The following RGS3 variants were observed in gnomAD, a reference collection of about 807,000 sequenced individuals.
RGS3 encodes the protein regulator of G-protein signalling 3.
RGS3 carries 80 observed loss-of-function variants against 132.6 expected under a neutral mutation model. The observed-to-expected ratio is 0.60, with a 90% CI of 0.50 to 0.73. The LOEUF (loss-of-function observed/expected upper bound fraction) is 0.73, where lower values mean the gene tolerates loss of function less well. Among genes scored for constraint, RGS3 ranks in the 30% least tolerant of loss-of-function variants. RGS3 has a pLI of 0.00. For missense variants in RGS3, 1,382 were observed against 1,530.8 expected (o/e 0.90, Z 1.62); for synonymous variants, 598 against 620.6 (o/e 0.96, Z 0.54).
chr9:113,474,152 G>A (rs7864467), intron 3 of RGS3, among the ~76,000 whole-genome samples: 27,795 of 152,116 alleles, frequency 0.18, 2,651 homozygotes, highest in African/African-American at 0.21. Flanking sequence ...TATGCTGGCC[G>A]GAGCAATCTC....
chr9:113,586,371 A>G (rs72763846), intron 20 of RGS3, among the ~76,000 whole-genome samples: 18,283 of 152,210 alleles, frequency 0.12, 1,326 homozygotes, highest in African/African-American at 0.2. Flanking sequence ...ACACATTCAT[A>G]TGTATGCATT....
At chr9:113,557,693 A>G (rs1173445672) in intron 19 of RGS3, among the ~76,000 whole-genome samples, 2 of 152,186 alleles carry the variant, frequency 1.3e-5, no homozygotes, top group East Asian at 3.8e-4. Flanking sequence ...AAGGACACCA[A>G]TCATGAACAG....
chr9:113,552,477 C>T (rs1433380677), intron 19 of RGS3, among the ~76,000 whole-genome samples: 4 of 152,068 alleles, frequency 2.6e-5, no homozygotes, highest in Admixed American at 6.6e-5. Context: ...CCACCACGCC[C>T]GGCTAATTTT....
intron 1 of RGS3, among the ~76,000 whole-genome samples, chr9:113,450,230 G>C (rs1829209729): frequency 6.6e-6 from 1 of 152,142 alleles, no homozygotes; most frequent in South Asian, 2.1e-4. Flanking sequence ...CACCATGCCA[G>C]CTAAATTTTT....
intron 1 of RGS3, among the ~76,000 whole-genome samples, chr9:113,451,040 T>C (rs1829230196): frequency 6.6e-6 from 1 of 151,782 alleles, no homozygotes; most frequent in Non-Finnish European, 1.5e-5. Context: ...TAGCCTGGCG[T>C]GGTGGCGTGT....
chr9:113,553,441 T>TAAA lies in RGS3; in HGVS notation c.2037+16540_2037+16542dup, dbSNP rs66536651. ...CTGGGCAACAGAGGGAAACTCTGTT[T>TAAA]AAAAAAAAAAAAAAAAAAATATATA... On this transcript the variant is annotated intron_variant, in intron 19 of 24. Coordinates refer to ENST00000350696, the Ensembl canonical transcript of RGS3. 4.0e-3 allele frequency among the ~76,000 whole-genome samples: 81 copies of TAAA among 20,408 alleles called. 2 individuals are homozygous for TAAA. The East Asian group carries it at 0.097, about 24-fold the overall frequency. 13.4% of individuals were successfully genotyped at this position (20,408 alleles called of 152,430 possible). A position where few individuals can be genotyped will look rare whatever the true frequency, so the allele number is the denominator to read the frequency against.
At chr9:113,520,340 A>G (rs1004193316) in intron 16 of RGS3, among the ~76,000 whole-genome samples, 6 of 152,216 alleles carry the variant, frequency 3.9e-5, no homozygotes, top group Non-Finnish European at 5.9e-5. Context: ...GCTGTGTGCC[A>G]GCTCTGGCCT....
At chr9:113,509,458 C>T (rs1831304978) in intron 14 of RGS3, among the ~76,000 whole-genome samples, 1 of 152,138 alleles carries the variant, frequency 6.6e-6, no homozygotes, top group Non-Finnish European at 1.5e-5. Flanking sequence ...TTGAAGTGCA[C>T]AGATGTCTCT....
chr9:113,548,369 G>C (rs886222802), intron 19 of RGS3, among the ~76,000 whole-genome samples: 3 of 152,254 alleles, frequency 2.0e-5, no homozygotes, highest in African/African-American at 4.8e-5. Flanking sequence ...AGCTAGTGGC[G>C]TGGGGAGAGG....
intron 20 of RGS3, among the ~76,000 whole-genome samples, chr9:113,584,714 A>T (rs1430931802): frequency 6.6e-6 from 1 of 152,254 alleles, no homozygotes; most frequent in Non-Finnish European, 1.5e-5. Context: ...GCCATTGTGT[A>T]TTTGGATTTA....
At chr9:113,480,190 G>A (rs1830114280) in intron 4 of RGS3, among the ~76,000 whole-genome samples, 1 of 152,184 alleles carries the variant, frequency 6.6e-6, no homozygotes, top group South Asian at 2.1e-4. Flanking sequence ...TGGGCACGGT[G>A]ACTCATGCCT....
At chr9:113,505,321 C>G (rs72761969) in intron 10 of RGS3, 121 bp from the exon 9 acceptor site, 97,617 of 789,428 alleles carry the variant, frequency 0.12, 6,922 homozygotes, top group African/African-American at 0.2. Flanking sequence ...CTCCTTTGTG[C>G]CTCCAGTTCC....
chr9:113,508,488 C>T (rs1831245240), intron 13 of RGS3, 53 bp from the exon 12 acceptor site: 1 of 1,607,850 alleles, frequency 6.2e-7, no homozygotes, highest in Non-Finnish European at 8.5e-7. Flanking sequence ...GCCTCCTGGG[C>T]TGTCCTGCCC....
chr9:113,463,314 C>T lies in RGS3; in HGVS notation c.415+1113C>T, dbSNP rs1353972495. ...CTTTTCCAAACCTCACTGCCCTGGG[C>T]CATCGGGTGCTCCTTTGCCTTTGCT... is the stretch of plus-strand genomic sequence containing the variant. On this transcript the variant is annotated intron_variant, in intron 3 of 24. Transcript: ENST00000350696. The surrounding 1 kb of genome is among the most constrained non-coding windows in gnomAD (Gnocchi z 4.6). 6.6e-6 allele frequency among the ~76,000 whole-genome samples: 1 copy of T among 152,206 alleles called. No individual in the cohort carries two copies. The highest frequency in any genetic ancestry group is 1.5e-5 in the Non-Finnish European group (1 of 68,048).
Position 113,565,066 on chromosome 9 carries a change from G to A in RGS3, c.2038-18384G>A, listed in dbSNP as rs540263098. On this transcript the variant is annotated intron_variant, in intron 19 of 24. Transcript: ENST00000350696. This position sits in a 1 kb window ranked among gnomAD's most constrained non-coding sequence, Gnocchi z 5.7. ...GCCTGCTAGGGATCCCAGTGCCAGG[G>A]GGTGCCGTTGTGAGGGATGGACGCC... The A allele has an allele frequency of 1.8e-6, 2 of 1,138,860 alleles. No individual in the cohort carries two copies. Among genetic ancestry groups the A allele is most frequent in the African/African-American group, 3.3e-5 (2 of 61,246 alleles). The allele number at this position is 1,138,860 out of a possible 1,614,324, so 70.5% of individuals were successfully genotyped here.
rs1406249896 is a variant in RGS3, at chr9:113,489,869, T to G, written c.689+4176T>G. The stretch of plus-strand genomic sequence containing the variant: ...GTAAATTATTCAGCCAAATGTGTGG[T>G]GGTCACATTTTGAAACTGATAGGAG... On this transcript the variant is annotated intron_variant, in intron 7 of 24. Coordinates refer to ENST00000350696, the Ensembl canonical transcript of RGS3. Among the ~76,000 whole-genome samples, 10 of 152,242 alleles carry G rather than the reference T, an allele frequency of 6.6e-5. 2 individuals carry two copies. In the Middle Eastern group the frequency reaches 0.031, roughly 466 times the overall value.
intron 3 of RGS3, among the ~76,000 whole-genome samples, chr9:113,466,221 G>T (rs553864176): frequency 4.6e-5 from 7 of 152,208 alleles, no homozygotes; most frequent in African/African-American, 1.7e-4. Flanking sequence ...TACTGTGAAG[G>T]TTTTGGCTAA....
At chr9:113,590,811 G>A (rs577212546) in intron 20 of RGS3, among the ~76,000 whole-genome samples, 1 of 152,308 alleles carries the variant, frequency 6.6e-6, no homozygotes, top group South Asian at 2.1e-4. Flanking sequence ...ATGTTATCCC[G>A]AGGGCACTAG....
At chr9:113,587,069 A>T (rs1316555275) in intron 20 of RGS3, among the ~76,000 whole-genome samples, 1 of 152,164 alleles carries the variant, frequency 6.6e-6, no homozygotes, top group Non-Finnish European at 1.5e-5. Context: ...TGCAAAGTGG[A>T]CAGGCACTTG....
Sources: allele counts gnomAD v4.1 joint callset (sites outside exome capture counted in the v4.1 genomes callset), GRCh38; gene constraint gnomAD v4.1.1; non-coding constraint Gnocchi (gnomAD v3.1); transcripts MANE v1.5; gene names NCBI Gene and HGNC (gene_info 2026-07-23, HGNC 2026-07-21).